Variants in MYO1B observed in about 807,000 individuals in gnomAD.
The protein encoded by MYO1B is myosin IB, also known as unconventional myosin-Ib.
Under a neutral mutation model 159.7 loss-of-function variants are expected in MYO1B, and 72 were observed. That is an observed-to-expected ratio of 0.45 (90% CI 0.37 to 0.55). The LOEUF (loss-of-function observed/expected upper bound fraction) is 0.55. Ranked by LOEUF, MYO1B falls within the 20% of genes least tolerant of loss-of-function variation. MYO1B has a pLI of 0.00. For missense variants in MYO1B, 1,062 were observed against 1,364.8 expected (o/e 0.78, Z 3.50); for synonymous variants, 468 against 473.8 (o/e 0.99, Z 0.16).
At chr2:191,325,425 G>A (rs918676707) in intron 3 of MYO1B, among the ~76,000 whole-genome samples, 6 of 152,076 alleles carry the variant, frequency 3.9e-5, no homozygotes, top group Admixed American at 1.3e-4. Flanking sequence ...CTAAGTTCAG[G>A]TAAGTTTCCT....
At chr2:191,398,423 ACC>A (rs551169413) in intron 21 of MYO1B, among the ~76,000 whole-genome samples, 5 of 104,978 alleles carry the variant, frequency 4.8e-5, no homozygotes, top group East Asian at 2.7e-4. Context: ...CGGGGGGCTG[ACC>A]CCCCCCCACC....
intron 2 of MYO1B, among the ~76,000 whole-genome samples, chr2:191,288,713 A>G (rs1688525818): frequency 6.6e-6 from 1 of 152,246 alleles, no homozygotes; most frequent in South Asian, 2.1e-4. Context: ...TTTGTAGCCT[A>G]AAATCACTCT....
rs531451139 is a variant in MYO1B at position 191,386,189 on chromosome 2, A to C, written c.1554+105A>C. ...GAAACCCCATTAACTTGTGAGGACA[A>C]ATTGAGCTGCTAAAGTGGTTGAATC... On this transcript the variant is annotated intron_variant, in intron 16 of 30. Transcript: ENST00000392318. 3.0e-5 allele frequency: 30 copies of C among 1,001,318 alleles called. No individual in the cohort carries two copies. In the East Asian group the frequency reaches 7.2e-4, roughly 24 times the overall value. The allele number at this position is 1,001,318 out of a possible 1,614,324, so 62.0% of individuals were successfully genotyped here.
chr2:191,319,701 A>G (rs1559165640), intron 3 of MYO1B, among the ~76,000 whole-genome samples: 3 of 152,174 alleles, frequency 2.0e-5, no homozygotes, highest in Admixed American at 2.0e-4. Context: ...TAAGACATCT[A>G]TCTCTCTGGT....
chr2:191,356,262 C>T (rs192379220), intron 7 of MYO1B, among the ~76,000 whole-genome samples: 3 of 151,006 alleles, frequency 2.0e-5, no homozygotes, highest in Non-Finnish European at 2.9e-5. Context: ...TGTTTTTAAT[C>T]TGCCTTTTTA....
In MYO1B at chr2:191,393,054, A is replaced by T. The variant is rs768507291; in HGVS notation, c.2077-19A>T. ...GTTTCAGAGGATTTTTGATAAGTCC[A>T]TCTATCATTTCTTATTAGTTATTCA... On this transcript the variant is annotated intron_variant, in intron 19 of 30. Coordinates refer to ENST00000392318, the MANE Select transcript of MYO1B (RefSeq NM_001130158.3). 1 of 1,609,348 alleles carries T rather than the reference A, an allele frequency of 6.2e-7. No individual in the cohort carries two copies. Among genetic ancestry groups the T allele is most frequent in the Admixed American group, 1.7e-5 (1 of 59,482 alleles).
At chr2:191,393,323 C>G in intron 20 of MYO1B, 101 bp downstream of exon 20, 1 of 1,306,444 alleles carries the variant, frequency 7.7e-7, no homozygotes, top group Non-Finnish European at 1.1e-6. Flanking sequence ...TTAATTCTCC[C>G]AACAACCTCA....
chr2:191,409,212 T>C (rs1344523417), intron 26 of MYO1B, 34 bp downstream of exon 26: 2 of 1,587,606 alleles, frequency 1.3e-6, no homozygotes, highest in Non-Finnish European at 1.7e-6. Flanking sequence ...TTTCGGAGAC[T>C]TTCTTATTTA....
chr2:191,309,546 C>T (rs1159560908), intron 3 of MYO1B, among the ~76,000 whole-genome samples: 1 of 152,208 alleles, frequency 6.6e-6, no homozygotes. Context: ...CCTGCAGCAA[C>T]TCCCTTGTGG....
chr2:191,381,143 T>C, intron 13 of MYO1B: 1 of 368,460 alleles, frequency 2.7e-6, no homozygotes, highest in Non-Finnish European at 5.2e-6. Context: ...TGGAGCTCAC[T>C]GTGTCTTTGC....
At chr2:191,390,747 G>A (rs1183140965) in intron 18 of MYO1B, among the ~76,000 whole-genome samples, 1 of 152,150 alleles carries the variant, frequency 6.6e-6, no homozygotes, top group Admixed American at 6.5e-5. Flanking sequence ...GAGGTGGTTT[G>A]TAATTTGATA....
At chr2:191,329,887 T>A (rs772088444) in intron 3 of MYO1B, 48 bp from the exon 4 acceptor site, 1 of 1,527,506 alleles carries the variant, frequency 6.5e-7, no homozygotes, top group Non-Finnish European at 9.0e-7. Flanking sequence ...GATAAACACA[T>A]AATAATGATC....
At chr2:191,388,109 C>G (rs566142650) in intron 17 of MYO1B, 3 of 151,890 alleles carry the variant, frequency 2.0e-5, no homozygotes, top group Admixed American at 6.6e-5. Context: ...CATGGCAAAA[C>G]CCTGTCTCTA....
chr2:191,377,354 G>A (rs954281646), intron 13 of MYO1B, among the ~76,000 whole-genome samples: 1 of 152,160 alleles, frequency 6.6e-6, no homozygotes, highest in Non-Finnish European at 1.5e-5. Flanking sequence ...TAAGACAGTA[G>A]AGAAAAATTG....
chr2:191,251,632 A>G (rs1686124451), intron 1 of MYO1B, among the ~76,000 whole-genome samples: 1 of 152,254 alleles, frequency 6.6e-6, no homozygotes, highest in Admixed American at 6.5e-5. Flanking sequence ...AAATGAAAAT[A>G]TAGTAATGTA....
chr2:191,326,811 T>TGCGCGC (rs1356684826), intron 3 of MYO1B, among the ~76,000 whole-genome samples: 2 of 130,808 alleles, frequency 1.5e-5, no homozygotes, highest in Non-Finnish European at 3.4e-5. Context: ...TGTGTGTGTG[T>TGCGCGC]GTGTGCGCGC....
At chr2:191,383,478 ACACAC>A (rs1695192330) in intron 15 of MYO1B, 136 bp downstream of exon 15, 5 of 10,124 alleles carry the variant, frequency 4.9e-4, no homozygotes, top group East Asian at 6.5e-3. Flanking sequence ...ATATATACAC[ACACAC>A]ATATATATGT....
In MYO1B at chr2:191,364,209, G is replaced by A. The variant is rs749571664; in HGVS notation, c.965G>A (p.Arg322Gln). The A allele has an allele frequency of 2.5e-6, 4 of 1,613,776 alleles. No homozygotes were observed. The highest frequency in any genetic ancestry group is 1.7e-5 in the Admixed American group (1 of 59,986). Residue 322 changes from arginine (R) to glutamine (Q), a missense_variant, in exon 11 of 31, where the codon CGA becomes CAA. Arg to Gln is a conservative substitution (Grantham distance 43). Around this residue, in one of 5 missense-constraint regions of MYO1B, gnomAD observed 415 missense variants for 544.0 expected, o/e 0.76. Transcript: ENST00000392318. ...LTGIDQSVLERAFSFRTVEAK... is the reference protein window; with the variant it reads ...LTGIDQSVLEQAFSFRTVEAK... The stretch of plus-strand genomic sequence containing the variant: ...GGCATTGATCAATCAGTTCTAGAAC[G>A]AGCATTCAGTTTCCGAACAGTTGAG...
At chr2:191,389,854 A>G (rs965262391) in intron 17 of MYO1B, among the ~76,000 whole-genome samples, 1 of 152,228 alleles carries the variant, frequency 6.6e-6, no homozygotes, top group African/African-American at 2.4e-5. Context: ...CCAAGTGGTA[A>G]AACATTCCCG....
Sources: allele counts gnomAD v4.1 joint callset (sites outside exome capture counted in the v4.1 genomes callset), GRCh38; gene constraint gnomAD v4.1.1; regional missense constraint gnomAD v4.1.1; transcripts MANE v1.5; gene names NCBI Gene and HGNC (gene_info 2026-07-23, HGNC 2026-07-21).